The following DTWD2 variants were observed in gnomAD, a reference collection of about 807,000 sequenced individuals.
DTWD2 encodes DTW motif tRNA-uridine aminocarboxypropyltransferase 2.
In DTWD2, 39 loss-of-function variants were observed where a neutral mutation model predicts 31.8. The observed-to-expected ratio is 1.22, with a 90% CI of 0.95 to 1.60. The LOEUF (loss-of-function observed/expected upper bound fraction) is 1.60. Ranked by LOEUF, DTWD2 falls within the 40% of genes most tolerant of loss-of-function variation. The pLI is 0.00. For missense variants in DTWD2, 515 were observed against 381.5 expected (o/e 1.35, Z -2.92); for synonymous variants, 180 against 142.8 (o/e 1.26, Z -1.86).
intron 4 of DTWD2, among the ~76,000 whole-genome samples, chr5:118,897,032 C>T (rs1319283769): frequency 1.3e-5 from 2 of 152,168 alleles, no homozygotes; most frequent in Non-Finnish European, 2.9e-5. Flanking sequence ...TTTAAGACAA[C>T]ATTTTGTGGG....
At chr5:118,943,831 G>C (rs751916687) in intron 2 of DTWD2, among the ~76,000 whole-genome samples, 1 of 152,148 alleles carries the variant, frequency 6.6e-6, no homozygotes, top group Non-Finnish European at 1.5e-5. Flanking sequence ...ATCCAGACTT[G>C]AGAAATTTAA....
intron 1 of DTWD2, among the ~76,000 whole-genome samples, chr5:118,969,673 C>T (rs917562795): frequency 2.6e-5 from 4 of 152,132 alleles, no homozygotes; most frequent in African/African-American, 7.2e-5. Flanking sequence ...CCCACAAAAA[C>T]ACCATTCAAA....
rs1755406874 is a variant in DTWD2 at position 118,985,513 on chromosome 5, T to TATATATATATATATATAC, written c.218+2780_218+2781insGTATATATATATATATAT. Among the ~76,000 whole-genome samples, 5 of 129,370 alleles carry TATATATATATATATATAC rather than the reference T, an allele frequency of 3.9e-5. 1 individual carries two copies. Among genetic ancestry groups the TATATATATATATATATAC allele is most frequent in the Admixed American group, 3.1e-4 (4 of 12,756 alleles). 84.9% of individuals were successfully genotyped at this position (129,370 alleles called of 152,430 possible). On this transcript the variant is annotated intron_variant, in intron 1 of 5. Transcript: ENST00000510708. ...TTTTATATATATATATATATATATA[T>TATATATATATATATATAC]ATATACACACACATATATACATACA...
At chr5:118,907,727 C>CAA (rs1191974736) in intron 4 of DTWD2, among the ~76,000 whole-genome samples, 1 of 115,756 alleles carries the variant, frequency 8.6e-6, no homozygotes, top group Non-Finnish European at 1.9e-5. Flanking sequence ...GACTCCATAT[C>CAA]AAAAAAAAAA....
At chr5:118,938,950 C>G (rs1300508197) in intron 3 of DTWD2, among the ~76,000 whole-genome samples, 1 of 151,042 alleles carries the variant, frequency 6.6e-6, no homozygotes, top group African/African-American at 2.4e-5. Flanking sequence ...ACATACATTA[C>G]TATGAAATTC....
At chr5:118,949,732 G>C (rs561649407) in intron 1 of DTWD2, among the ~76,000 whole-genome samples, 74 of 152,246 alleles carry the variant, frequency 4.9e-4, no homozygotes, top group Non-Finnish European at 5.6e-4. Context: ...TCTCATACTT[G>C]TGGATTAAGA....
intron 1 of DTWD2, among the ~76,000 whole-genome samples, chr5:118,954,517 A>AT (rs576166814): frequency 4.6e-5 from 7 of 151,294 alleles, no homozygotes; most frequent in Non-Finnish European, 7.4e-5. Flanking sequence ...TACATAAAGG[A>AT]TTTTTTTCTT....
chr5:118,881,433 T>C (rs1230357587), intron 4 of DTWD2, among the ~76,000 whole-genome samples: 2 of 152,234 alleles, frequency 1.3e-5, no homozygotes, highest in African/African-American at 4.8e-5. Flanking sequence ...TTTGAAAGTA[T>C]TATTTCTTTC....
At chr5:118,846,470 GC>G (rs1751855554) in intron 5 of DTWD2, among the ~76,000 whole-genome samples, 1 of 152,116 alleles carries the variant, frequency 6.6e-6, no homozygotes, top group South Asian at 2.1e-4. Flanking sequence ...AGAAAAGTAA[GC>G]TTTAAATCTA....
intron 1 of DTWD2, among the ~76,000 whole-genome samples, chr5:118,972,197 GA>G (rs964203982): frequency 6.6e-6 from 1 of 151,860 alleles, no homozygotes; most frequent in African/African-American, 2.4e-5. Context: ...GGTTTTTGGA[GA>G]AAAAATAACA....
At chr5:118,875,467 G>T (rs1340677522) in intron 4 of DTWD2, among the ~76,000 whole-genome samples, 1 of 148,260 alleles carries the variant, frequency 6.7e-6, no homozygotes, top group Non-Finnish European at 1.5e-5. Flanking sequence ...CATCTCACAT[G>T]CAGTGATATA....
chr5:118,965,596 T>C (rs1204332235), intron 1 of DTWD2, among the ~76,000 whole-genome samples: 15 of 152,338 alleles, frequency 9.8e-5, no homozygotes. Context: ...TCTTCTGCCT[T>C]GGGATGCTGT....
intron 4 of DTWD2, among the ~76,000 whole-genome samples, chr5:118,923,702 T>C (rs1455571071): frequency 1.3e-5 from 2 of 152,212 alleles, no homozygotes; most frequent in Admixed American, 6.5e-5. Context: ...CAACTCCTAC[T>C]CTGAAACGTG....
chr5:118,902,203 CT>C (rs1561448502), intron 4 of DTWD2, among the ~76,000 whole-genome samples: 1 of 151,964 alleles, frequency 6.6e-6, no homozygotes, highest in Non-Finnish European at 1.5e-5. Context: ...TACAAATGTG[CT>C]ACTTGAAATA....
At chr5:118,961,910 A>G (rs1050941768) in intron 1 of DTWD2, among the ~76,000 whole-genome samples, 2 of 152,232 alleles carry the variant, frequency 1.3e-5, no homozygotes, top group African/African-American at 4.8e-5. Flanking sequence ...AGAGCATATA[A>G]TAGTGCTATG....
At chr5:118,918,803 C>A (rs62374079) in intron 4 of DTWD2, among the ~76,000 whole-genome samples, 6 of 147,294 alleles carry the variant, frequency 4.1e-5, no homozygotes, top group African/African-American at 1.5e-4. Context: ...GCCTGGGCAA[C>A]GTGGTAAGAC....
chr5:118,885,021 C>A (rs1486159619), intron 4 of DTWD2, among the ~76,000 whole-genome samples: 1 of 122,224 alleles, frequency 8.2e-6, no homozygotes, highest in Non-Finnish European at 1.6e-5. Context: ...AAAAAAAAAT[C>A]GTCCAGGTTG....
At chr5:118,841,349 A>G (rs1373652086) in intron 5 of DTWD2, among the ~76,000 whole-genome samples, 1 of 152,236 alleles carries the variant, frequency 6.6e-6, no homozygotes, top group African/African-American at 2.4e-5. Flanking sequence ...AAAGTCTGGC[A>G]TTAGTTTTAT....
At chr5:118,943,567 G>T (rs535273334) in intron 2 of DTWD2, among the ~76,000 whole-genome samples, 1 of 147,050 alleles carries the variant, frequency 6.8e-6, no homozygotes, top group African/African-American at 2.6e-5. Flanking sequence ...AAAAAAAAAA[G>T]GCTGAGAAAA....
Sources: gnomAD v4.1 joint callset for allele counts (sites outside exome capture counted in the v4.1 genomes callset) on GRCh38, gnomAD v4.1.1 for gene constraint, MANE v1.5 for transcripts, NCBI Gene and HGNC (gene_info 2026-07-23, HGNC 2026-07-21) for gene names.